ELL2: variants seen among roughly 807,000 people sequenced by gnomAD.
ELL2 encodes the protein elongation factor for RNA polymerase II 2, also known as RNA polymerase II elongation factor ELL2.
In ELL2, 21 loss-of-function variants were observed where a neutral mutation model predicts 72.8. That is an observed-to-expected ratio of 0.29 (90% CI 0.20 to 0.42). The LOEUF (loss-of-function observed/expected upper bound fraction) is 0.42. ELL2 is among the 10% of genes least tolerant of loss of function. ELL2 has a pLI of 1.00. For synonymous variants in ELL2, 266 were observed against 283.2 expected, an observed-to-expected ratio of 0.94 and a Z score of 0.61; for missense variants, 568 against 772.8, an observed-to-expected ratio of 0.73 and a Z score of 3.14.
chr5:95,937,375 G>C (rs1365547700), intron 2 of ELL2, among the ~76,000 whole-genome samples: 2 of 152,116 alleles, frequency 1.3e-5, no homozygotes, highest in Admixed American at 1.3e-4. Context: ...TAGTTTCAAA[G>C]TATGATTCAA....
chr5:95,931,461 T>C (rs1414000349), intron 2 of ELL2, among the ~76,000 whole-genome samples: 2 of 152,184 alleles, frequency 1.3e-5, no homozygotes, highest in Non-Finnish European at 2.9e-5. Context: ...TGTTTTATTT[T>C]TGAAGTAATT....
At chr5:95,895,959 T>C (rs922938887) in intron 8 of ELL2, among the ~76,000 whole-genome samples, 1 of 152,198 alleles carries the variant, frequency 6.6e-6, no homozygotes, top group Non-Finnish European at 1.5e-5. Context: ...TAACCCAAGG[T>C]CAGTCTTCTA....
chr5:95,945,786 G>T (rs1751135004), intron 1 of ELL2, among the ~76,000 whole-genome samples: 1 of 152,190 alleles, frequency 6.6e-6, no homozygotes, highest in East Asian at 1.9e-4. Context: ...CAGAGGGCAG[G>T]TCTGTATGTG....
Position 95,927,370 on chromosome 5 carries a change from TACACACACACACGTGTGTATATATAG to T in ELL2, c.196-7851_196-7826del, listed in dbSNP as rs1561503974. On this transcript the variant is annotated intron_variant, in intron 2 of 11. Transcript: ENST00000237853. ...GTATGTGTATGTGTATATATAGACA[TACACACACACACGTGTGTATATATAG>T]ACATACACACACGTGTGTATATAGA... 6.6e-5 allele frequency among the ~76,000 whole-genome samples: 6 copies of T among 90,912 alleles called. 1 individual carries two copies. Among genetic ancestry groups the T allele is most frequent in the South Asian group, 4.1e-4 (1 of 2,420 alleles). The allele number at this position is 90,912 out of a possible 152,430, so 59.6% of individuals were successfully genotyped here. A position where few individuals can be genotyped will look rare whatever the true frequency, so the allele number is the denominator to read the frequency against.
At chr5:95,929,593 G>A (rs545914104) in intron 2 of ELL2, among the ~76,000 whole-genome samples, 1 of 152,030 alleles carries the variant, frequency 6.6e-6, no homozygotes, top group South Asian at 2.1e-4. Flanking sequence ...GAAACACAGT[G>A]GAGTAGATAC....
chr5:95,907,206 T>C (rs1045439096), intron 4 of ELL2, among the ~76,000 whole-genome samples: 3 of 151,178 alleles, frequency 2.0e-5, no homozygotes, highest in Non-Finnish European at 4.4e-5. Flanking sequence ...GGCTGAGCAT[T>C]ACGTTAGTAA....
At chr5:95,890,838 C>T (rs915804037) in intron 10 of ELL2, 4 of 446,854 alleles carry the variant, frequency 9.0e-6, no homozygotes, top group African/African-American at 6.0e-5. Flanking sequence ...AACTTTTTTT[C>T]CTATTTAGTT....
At chr5:95,949,577 G>T (rs949785623) in intron 1 of ELL2, among the ~76,000 whole-genome samples, 1 of 151,810 alleles carries the variant, frequency 6.6e-6, no homozygotes, top group Admixed American at 6.6e-5. Context: ...GTTAACTCTT[G>T]AATTATTCTT....
At chr5:95,947,955 C>A (rs1433327875) in intron 1 of ELL2, among the ~76,000 whole-genome samples, 1 of 151,858 alleles carries the variant, frequency 6.6e-6, no homozygotes, top group African/African-American at 2.4e-5. Flanking sequence ...TAATAAAACA[C>A]TCATTTATGG....
Position 95,943,014 on chromosome 5 carries a change from T to C in ELL2, c.183A>G (p.Gln61=), listed in dbSNP as rs1445673585. The change falls in exon 2 of 12, where the codon CAA becomes CAG. Residue 61 remains glutamine, a synonymous_variant. Transcript: ENST00000237853. ...TAAGAGTACTCACCCCGTGGAGTCC[T>C]TGGAACTGGATTGAAGGTCGAAAAG... ...LIPFRPSIQF[Q]GLHGLVKIPK... 1 of 1,599,302 alleles carries C rather than the reference T, an allele frequency of 6.3e-7. No homozygotes were observed. The highest frequency in any genetic ancestry group is 8.5e-7 in the Non-Finnish European group (1 of 1,172,716).
chr5:95,935,342 CTTAA>C (rs1750735415), intron 2 of ELL2, among the ~76,000 whole-genome samples: 1 of 152,024 alleles, frequency 6.6e-6, no homozygotes, highest in Non-Finnish European at 1.5e-5. Flanking sequence ...TGTCATTGTT[CTTAA>C]TTAATATGGG....
At position 95,900,954 on chromosome 5, in the gene ELL2, A is replaced by T; in HGVS notation, c.866+2T>A. On this transcript the variant is annotated splice_donor_variant, in intron 6 of 11. Transcript: ENST00000237853. LOFTEE classifies it high-confidence loss of function. ...TTTAAAAGCAAGAAAAAAAGAATTC[A>T]CCTAGAGAGCACTGACTCCAATGAC... 1 of 1,589,130 alleles carries T rather than the reference A, an allele frequency of 6.3e-7. No homozygotes were observed. The highest frequency in any genetic ancestry group is 8.5e-7 in the Non-Finnish European group (1 of 1,173,952).
intron 2 of ELL2, among the ~76,000 whole-genome samples, chr5:95,924,383 A>G (rs1397310229): frequency 1.3e-5 from 2 of 152,222 alleles, no homozygotes; most frequent in Non-Finnish European, 2.9e-5. Flanking sequence ...ACCACAGGAA[A>G]TAAGTTTTGA....
chr5:95,907,296 A>ATTTTTT (rs1211663802), intron 4 of ELL2, among the ~76,000 whole-genome samples: 1 of 116,492 alleles, frequency 8.6e-6, no homozygotes, highest in African/African-American at 4.1e-5. Flanking sequence ...ATATATATAT[A>ATTTTTT]TTTTTTTTTT....
At chr5:95,938,580 C>T (rs1435024732) in intron 2 of ELL2, among the ~76,000 whole-genome samples, 1 of 152,026 alleles carries the variant, frequency 6.6e-6, no homozygotes, top group Non-Finnish European at 1.5e-5. Flanking sequence ...AAAAATTAGC[C>T]AGTCATGGCT....
chr5:95,919,274 T>A lies in ELL2; in HGVS notation c.317+150A>T, dbSNP rs551210695. On this transcript the variant is annotated intron_variant, in intron 3 of 11. Coordinates refer to ENST00000237853, the MANE Select transcript of ELL2 (RefSeq NM_012081.6). ...AATGAAATTTCTATTACACAGTAGG[T>A]GCTTAATATTTTTCAGATAAATAAA... 7.5e-5 allele frequency: 72 copies of A among 964,800 alleles called. No individual in the cohort carries two copies. The African/African-American group carries it at 1.2e-3, about 16-fold the overall frequency. 59.8% of individuals were successfully genotyped at this position (964,800 alleles called of 1,614,324 possible). A position where few individuals can be genotyped will look rare whatever the true frequency, so the allele number is the denominator to read the frequency against.
rs199920039 is a variant in ELL2, at chr5:95,927,796, C to T, written c.196-8251G>A. On this transcript the variant is annotated intron_variant, in intron 2 of 11. Coordinates refer to ENST00000237853, the MANE Select transcript of ELL2 (RefSeq NM_012081.6). ...ACACATATGTGTGTATATAGACATA[C>T]ACACACACATATGTGTGTATATAGA... Among the ~76,000 whole-genome samples, 3 of 46,600 alleles carry T rather than the reference C, an allele frequency of 6.4e-5. 1 individual carries two copies. Among genetic ancestry groups the T allele is most frequent in the Admixed American group, 3.9e-4 (2 of 5,122 alleles). 30.6% of individuals were successfully genotyped at this position (46,600 alleles called of 152,430 possible). A position where few individuals can be genotyped will look rare whatever the true frequency, so the allele number is the denominator to read the frequency against.
intron 8 of ELL2, among the ~76,000 whole-genome samples, chr5:95,896,292 T>A (rs1418588968): frequency 6.7e-6 from 1 of 149,754 alleles, no homozygotes; most frequent in Non-Finnish European, 1.5e-5. Context: ...TTTTTTTTTT[T>A]AAGGACAAAA....
At chr5:95,895,427 C>A (rs766538867) in intron 9 of ELL2, among the ~76,000 whole-genome samples, 2 of 152,100 alleles carry the variant, frequency 1.3e-5, no homozygotes, top group Non-Finnish European at 2.9e-5. Context: ...CAGCTCAGAG[C>A]GGGGGGAGGC....
Sources: allele counts gnomAD v4.1 joint callset (sites outside exome capture counted in the v4.1 genomes callset), GRCh38; gene constraint gnomAD v4.1.1; transcripts MANE v1.5; gene names NCBI Gene and HGNC (gene_info 2026-07-23, HGNC 2026-07-21).